Variants in SSB observed in about 807,000 individuals in gnomAD.
SSB encodes lupus La protein.
A neutral mutation model predicts 52.9 loss-of-function variants in SSB; 17 were observed. That is an observed-to-expected ratio of 0.32 (90% confidence interval 0.22 to 0.48). The LOEUF (loss-of-function observed/expected upper bound fraction) is 0.48, where lower values mean the gene tolerates loss of function less well. SSB is among the 20% of genes least tolerant of loss of function. SSB has a pLI of 0.99. For missense variants in SSB, 314 were observed against 463.6 expected (o/e 0.68, Z 2.96); for synonymous variants, 111 against 152.1 (o/e 0.73, Z 1.99).
rs59743225 is a variant in SSB at position 169,800,534 on chromosome 2, C to CAAAAAAAAA, written c.-9-407_-9-399dup. Among the ~76,000 whole-genome samples the CAAAAAAAAA allele has an allele frequency of 6.6e-3, 514 of 77,898 alleles. 23 individuals are homozygous for CAAAAAAAAA. The highest frequency in any genetic ancestry group is 0.018 in the African/African-American group (324 of 17,654). The allele number at this position is 77,898 out of a possible 152,430, so 51.1% of individuals were successfully genotyped here. ...GGGCAACAAAAGCGAGACTCCGTCTCAAAAAAAAAAAAAAAAAAAGAGGTG... is the reference window on the plus strand; with the variant it reads ...GGGCAACAAAAGCGAGACTCCGTCTCAAAAAAAAAAAAAAAAAAAAAAAAAAAAGAGGTG... On this transcript the variant is annotated intron_variant, in intron 1 of 11. Coordinates refer to ENST00000260956, the MANE Select transcript of SSB (RefSeq NM_003142.5).
Position 169,806,268 on chromosome 2 carries a change from A to C in SSB, c.345+429A>C, listed in dbSNP as rs532469834. On this transcript the variant is annotated intron_variant, in intron 4 of 11. Transcript: ENST00000260956. The stretch of plus-strand genomic sequence containing the variant: ...GTGTGAGCCACCATGCCTAGTCCTA[A>C]GTTTTATCTTCATAAACGTGGATAT... 2.6e-5 allele frequency among the ~76,000 whole-genome samples: 4 copies of C among 152,262 alleles called. No homozygotes were observed. The East Asian group carries it at 7.7e-4, about 29-fold the overall frequency.
rs777720784 is a variant in SSB at position 169,810,981 on chromosome 2, A to G, written c.934A>G (p.Lys312Glu). ...GGAAGTACTAGAAGGAGAGGTGGAAAAAGAAGCACTGAAGAAAATAATAGA... is the reference window on the plus strand; with the variant it reads ...GGAAGTACTAGAAGGAGAGGTGGAAGAAGAAGCACTGAAGAAAATAATAGA... ...TWEVLEGEVE[K>E]EALKKIIEDQ... The change falls in exon 10 of 12, where the codon AAA becomes GAA. Residue 312 changes from lysine to glutamate, a missense_variant. By Grantham distance (56) the Lys-to-Glu change is moderately conservative. Coordinates refer to ENST00000260956, the MANE Select transcript of SSB (RefSeq NM_003142.5). 7.4e-6 allele frequency: 12 copies of G among 1,613,384 alleles called. No individual in the cohort carries two copies. Among genetic ancestry groups the G allele is most frequent in the Non-Finnish European group, 9.3e-6 (11 of 1,179,808 alleles).
intron 4 of SSB, among the ~76,000 whole-genome samples, chr2:169,806,377 A>G (rs1380490353): frequency 6.6e-6 from 1 of 152,200 alleles, no homozygotes; most frequent in Non-Finnish European, 1.5e-5. Context: ...TATTCTAAGC[A>G]CCTATTGCCT....
intron 8 of SSB, 115 bp downstream of exon 8, chr2:169,809,017 T>C (rs1689888508): frequency 8.6e-6 from 7 of 809,822 alleles, no homozygotes; most frequent in East Asian, 7.6e-5. Context: ...ATAGTTGTTA[T>C]TGCATTAAGT....
At position 169,811,769 on chromosome 2, in the gene SSB, A is replaced by AT; in HGVS notation, c.*19dup. 6.2e-7 allele frequency: 1 copy of AT among 1,613,018 alleles called. No individual in the cohort carries two copies. The highest frequency in any genetic ancestry group is 8.5e-7 in the Non-Finnish European group (1 of 1,179,672). On this transcript the variant is annotated 3_prime_UTR_variant, in exon 12 of 12. Transcript: ENST00000260956. ...TGGAGACCAGTAGTTTAGTAAACCA[A>AT]TTTTTTATTCATTTTAAATAGGTTT... is the stretch of plus-strand genomic sequence containing the variant.
intron 7 of SSB, 141 bp from the exon 8 acceptor site, chr2:169,808,719 T>C: frequency 1.0e-6 from 1 of 977,882 alleles, no homozygotes; most frequent in East Asian, 2.6e-5. Flanking sequence ...CATTGCAGTC[T>C]AGCATTGGAC....
At position 169,806,794 on chromosome 2, in the gene SSB, C is replaced by G; in HGVS notation, c.355C>G (p.Pro119Ala). The G allele has an allele frequency of 6.2e-7, 1 of 1,608,644 alleles. No individual in the cohort carries two copies. The highest frequency in any genetic ancestry group is 8.5e-7 in the Non-Finnish European group (1 of 1,178,476). Reference protein sequence around the residue: ...KNRSVYIKGFPTDATLDDIKE... With the variant: ...KNRSVYIKGFATDATLDDIKE... ...TTCCCACTCTTCACAGAAAGGCTTCCCAACTGATGCAACTCTTGATGACAT... is the reference window on the plus strand; with the variant it reads ...TTCCCACTCTTCACAGAAAGGCTTCGCAACTGATGCAACTCTTGATGACAT... Residue 119 changes from proline (P) to alanine (A), a missense_variant, in exon 5 of 12, where the codon CCA becomes GCA. Transcript: ENST00000260956.
At chr2:169,810,627 T>C (rs1028248299) in intron 9 of SSB, 5 of 661,676 alleles carry the variant, frequency 7.6e-6, no homozygotes, top group Non-Finnish European at 1.3e-5. Flanking sequence ...TTGTTGTTAT[T>C]GTCACTATAT....
chr2:169,811,025 A>C lies in SSB; in HGVS notation c.978A>C (p.Leu326=), dbSNP rs779625970. The C allele has an allele frequency of 6.2e-7, 1 of 1,610,724 alleles. No individual in the cohort carries two copies. The highest frequency in any genetic ancestry group is 8.5e-7 in the Non-Finnish European group (1 of 1,179,358). The change falls in exon 10 of 12, where the codon CTA becomes CTC. Residue 326 remains leucine (L), a synonymous_variant. Coordinates refer to ENST00000260956, the MANE Select transcript of SSB (RefSeq NM_003142.5). ...TAATAGAAGACCAACAAGAATCCCT[A>C]AACAAATGGAAGTCAAAAGGTCATT... The part of the protein sequence containing the change: ...KKIIEDQQES[L]NKWKSKGRRF...
intron 1 of SSB, chr2:169,799,511 G>A (rs1689663385): frequency 6.6e-6 from 1 of 152,096 alleles, no homozygotes. Flanking sequence ...TGTGAAACGG[G>A]AAAACGTGGG....
intron 8 of SSB, chr2:169,809,931 G>A (rs1689912152): frequency 6.5e-6 from 1 of 153,332 alleles, no homozygotes; most frequent in Non-Finnish European, 1.4e-5. Context: ...ATTTTTTAAA[G>A]TATGATAAAT....
chr2:169,807,295 TC>T (rs1439539173), intron 6 of SSB, among the ~76,000 whole-genome samples: 2 of 152,130 alleles, frequency 1.3e-5, no homozygotes, highest in African/African-American at 4.8e-5. Flanking sequence ...TTTTTCTTTT[TC>T]TTTTTTTTTT....
chr2:169,810,213 G>A (rs956433205), intron 8 of SSB, 70 bp from the exon 9 acceptor site: 9 of 1,223,966 alleles, frequency 7.4e-6, no homozygotes, highest in Non-Finnish European at 1.0e-5. Context: ...TAGCTATAAG[G>A]TGGTGTGAGT....
Position 169,811,937 on chromosome 2 carries a change from CTGTT to C in SSB, c.*185_*188del. 3 of 1,477,296 alleles carry C rather than the reference CTGTT, an allele frequency of 2.0e-6. No individual in the cohort carries two copies. The highest frequency in any genetic ancestry group is 2.8e-6 in the Non-Finnish European group (3 of 1,070,846). 91.5% of individuals were successfully genotyped at this position (1,477,296 alleles called of 1,614,324 possible). ...ATGAGATTTCTTTGAATGTATTGTT[CTGTT>C]TGTGTTATTTCAGATGATTCAAATA... On this transcript the variant is annotated 3_prime_UTR_variant, in exon 12 of 12. Coordinates refer to ENST00000260956, the MANE Select transcript of SSB (RefSeq NM_003142.5).
Position 169,811,329 on chromosome 2 carries a change from T to C in SSB, c.1138+6T>C. On this transcript the variant is annotated splice_donor_region_variant and intron_variant, in intron 11 of 11. Transcript: ENST00000260956. ...TGATGAAAATGGTGCAACTGGTAAGTTTTTTTTAAGTCCTTTGGTAGTTTC... is the reference window on the plus strand; with the variant it reads ...TGATGAAAATGGTGCAACTGGTAAGCTTTTTTTAAGTCCTTTGGTAGTTTC... The C allele has an allele frequency of 6.4e-7, 1 of 1,562,138 alleles. No homozygotes were observed. Among genetic ancestry groups the C allele is most frequent in the South Asian group, 1.2e-5 (1 of 82,298 alleles).
chr2:169,810,762 A>T, intron 9 of SSB, 96 bp from the exon 10 acceptor site: 1 of 1,199,484 alleles, frequency 8.3e-7, no homozygotes, highest in East Asian at 2.4e-5. Flanking sequence ...AAAGACATGG[A>T]AGGTTTGCAG....
At chr2:169,802,076 T>G (rs975487460) in intron 2 of SSB, among the ~76,000 whole-genome samples, 1 of 151,916 alleles carries the variant, frequency 6.6e-6, no homozygotes, top group South Asian at 2.1e-4. Flanking sequence ...TCCTAGCTAC[T>G]TGGGAAGCTG....
At chr2:169,811,574 T>A in intron 11 of SSB, 94 bp from the exon 12 acceptor site, 1 of 1,500,278 alleles carries the variant, frequency 6.7e-7, no homozygotes, top group Non-Finnish European at 8.9e-7. Context: ...TTGTTGCATC[T>A]TTTTCAACAG....
intron 2 of SSB, among the ~76,000 whole-genome samples, chr2:169,804,271 G>A (rs1353464195): frequency 5.6e-4 from 66 of 117,970 alleles, no homozygotes; most frequent in African/African-American, 2.0e-3. Flanking sequence ...TTGAGGCAGC[G>A]TCTTACTTTG....
Sources: allele counts gnomAD v4.1 joint callset (sites outside exome capture counted in the v4.1 genomes callset), GRCh38; gene constraint gnomAD v4.1.1; transcripts MANE v1.5; gene names NCBI Gene and HGNC (gene_info 2026-07-23, HGNC 2026-07-21).